Variants in ZNF534 observed in about 807,000 individuals in gnomAD.
ZNF534 encodes the protein zinc finger protein 534, also known as KRAB domain only 3.
In ZNF534, 19 loss-of-function variants were observed where a neutral mutation model predicts 13.6. That is an observed-to-expected ratio of 1.40 (90% CI 0.97 to 2.05). The LOEUF is 2.05. Among genes scored for constraint, ZNF534 ranks in the 30% most tolerant of loss-of-function variants. ZNF534 has a pLI of 0.00. For synonymous variants in ZNF534, 244 were observed against 273.8 expected (o/e 0.89, Z 1.07); for missense variants, 782 against 796.3 (o/e 0.98, Z 0.22).
At chr19:52,451,658 C>A in exon 5 of ZNF534, 1 of 656,390 alleles carries the variant, frequency 1.5e-6, no homozygotes, top group South Asian at 1.9e-5. Context: ...AACGGACATT[C>A]AGACAGCGCT....
At chr19:52,431,233 A>G (rs991606822) in intron 1 of ZNF534, among the ~76,000 whole-genome samples, 175 bp from the exon 2 acceptor site, 2 of 152,124 alleles carry the variant, frequency 1.3e-5, no homozygotes, top group African/African-American at 4.8e-5. Flanking sequence ...GAGACAGGAG[A>G]GAGTTTTGAG....
chr19:52,448,950 A>G (rs2561024), intron 4 of ZNF534, among the ~76,000 whole-genome samples: 139,225 of 152,146 alleles, frequency 0.92, 64,054 homozygotes, highest in Non-Finnish European at 0.96. Context: ...TGGAGATGAC[A>G]ACTTATTCCT....
rs920831680 is a variant in ZNF534, at chr19:52,451,297, C to T, written c.382C>T (p.Leu128=). Reference sequence around the variant, plus strand: ...AAACTTTGTGGGAAATGACTCCCCTCTGCCCTCGCCCCTCGCTCTGCTACC... The same window carrying T: ...AAACTTTGTGGGAAATGACTCCCCTTTGCCCTCGCCCCTCGCTCTGCTACC... Residue 128 remains leucine (L), a synonymous_variant, in exon 5 of 5, where the codon CTG becomes TTG. Coordinates refer to the ZNF534 transcript ENST00000301085. The T allele has an allele frequency of 6.4e-6, 7 of 1,094,592 alleles. No homozygotes were observed. In the African/African-American group the frequency reaches 1.1e-4, roughly 17 times the overall value. The allele number at this position is 1,094,592 out of a possible 1,614,324, so 67.8% of individuals were successfully genotyped here.
chr19:52,441,142 G>C lies in ZNF534; in HGVS notation c.*1696G>C, dbSNP rs1277942701. On this transcript the variant is annotated 3_prime_UTR_variant, in exon 5 of 5. Coordinates refer to ENST00000433050, the MANE Select transcript of ZNF534 (RefSeq NM_001143938.3). ...GCTGGTCTCGATCTCCTGACCTTGTGATCCATCTGCCTTGGCCTCCCAAAG... is the reference window on the plus strand; with the variant it reads ...GCTGGTCTCGATCTCCTGACCTTGTCATCCATCTGCCTTGGCCTCCCAAAG... 6.6e-6 allele frequency among the ~76,000 whole-genome samples: 1 copy of C among 152,164 alleles called. No individual in the cohort carries two copies. Among genetic ancestry groups the C allele is most frequent in the Non-Finnish European group, 1.5e-5 (1 of 68,026 alleles).
rs1289401511 is a variant in ZNF534 at position 52,439,379 on chromosome 19, G to T, written c.1919G>T (p.Gly640Val). The change falls in exon 5 of 5, where the codon GGC becomes GTC. Residue 640 changes from glycine to valine, a missense_variant. Gly to Val is a moderately radical substitution (Grantham distance 109). Around this residue, in one of 5 missense-constraint regions of ZNF534, gnomAD observed 60 missense variants for 59.9 expected, o/e 1.00. Transcript: ENST00000433050. ...GVKPYSCNEC[G>V]KVFSKNSILV... is the part of the protein sequence containing the mutation. ...AAGCCTTACAGTTGTAATGAATGTG[G>T]CAAGGTCTTTAGTAAAAATTCCATC... 7.7e-6 allele frequency: 12 copies of T among 1,551,558 alleles called. No homozygotes were observed. The highest frequency in any genetic ancestry group is 1.0e-5 in the Non-Finnish European group (12 of 1,146,818).
At chr19:52,443,600 ATT>A (rs2059184114), downstream of ZNF534, among the ~76,000 whole-genome samples, 1 of 152,058 alleles carries the variant, frequency 6.6e-6, no homozygotes, top group Admixed American at 6.6e-5. Context: ...AAATACAAAA[ATT>A]AGTTGGGCAT....
chr19:52,448,841 C>G (rs2059203043), intron 4 of ZNF534, among the ~76,000 whole-genome samples: 2 of 152,160 alleles, frequency 1.3e-5, no homozygotes, highest in Non-Finnish European at 2.9e-5. Flanking sequence ...TCCATCACCT[C>G]AAACATTTAT....
chr19:52,448,386 A>G (rs1388037251), intron 4 of ZNF534, among the ~76,000 whole-genome samples: 3 of 142,508 alleles, frequency 2.1e-5, no homozygotes, highest in Non-Finnish European at 4.6e-5. Flanking sequence ...CAATAGAGCA[A>G]GACTCCGTCT....
rs1370407816 is a variant in ZNF534 at position 52,438,811 on chromosome 19, T to A, written c.1351T>A (p.Ser451Thr). The A allele has an allele frequency of 6.2e-7, 1 of 1,610,944 alleles. No individual in the cohort carries two copies. Among genetic ancestry groups the A allele is most frequent in the Non-Finnish European group, 8.5e-7 (1 of 1,178,432 alleles). ...CTGTGGCAAGGTCTTCAGGCACAAG[T>A]CTTCCCTAACCTATCACTGTAGAAT... ...IDCGKVFRHK[S>T]SLTYHCRIHT... Residue 451 changes from serine (S) to threonine (T), a missense_variant, in exon 5 of 5, where the codon TCT becomes ACT. Ser to Thr is a moderately conservative substitution (Grantham distance 58). This residue lies in a region of ZNF534 where 591 missense variants were observed against 574.0 expected (regional missense o/e 1.03). Transcript: ENST00000433050.
At chr19:52,436,392 A>G (rs1316850092) in intron 4 of ZNF534, among the ~76,000 whole-genome samples, 3 of 151,834 alleles carry the variant, frequency 2.0e-5, no homozygotes, top group African/African-American at 7.3e-5. Context: ...TCTCTCTTTG[A>G]CTTTTGATAA....
chr19:52,444,618 G>T (rs1481430291), downstream of ZNF534, among the ~76,000 whole-genome samples: 1 of 152,056 alleles, frequency 6.6e-6, no homozygotes, highest in East Asian at 1.9e-4. Context: ...AGGACCATCA[G>T]TTGGGGGCAG....
chr19:52,434,392 G>C (rs2059114547), intron 3 of ZNF534, among the ~76,000 whole-genome samples: 1 of 149,914 alleles, frequency 6.7e-6, no homozygotes, highest in East Asian at 2.0e-4. Context: ...GTGAACCCGG[G>C]AGGCGGAGCT....
Position 52,450,674 on chromosome 19 carries a change from TTTTTTTTTTTGTTTTTGTTTTTG to T in ZNF534, c.272-502_272-480del, listed in dbSNP as rs1427820455. ...AGTTCCCTATGAATTTTAGGAGTTTTTTTTTTTTTTGTTTTTGTTTTTGTTTTTTTTTTTTAGACAAGGTCTCT... is the reference window on the plus strand; with the variant it reads ...AGTTCCCTATGAATTTTAGGAGTTTTTTTTTTTTTTTTAGACAAGGTCTCT... On this transcript the variant is annotated intron_variant, in intron 4 of 4. Coordinates refer to the ZNF534 transcript ENST00000301085. Among the ~76,000 whole-genome samples the T allele has an allele frequency of 6.5e-4, 21 of 32,466 alleles. 3 individuals carry two copies. The highest frequency in any genetic ancestry group is 1.0e-3 in the Admixed American group (3 of 2,904). 21.3% of individuals were successfully genotyped at this position (32,466 alleles called of 152,430 possible).
Position 52,441,423 on chromosome 19 carries a change from A to C in ZNF534, c.*1977A>C, listed in dbSNP as rs1433349928. On this transcript the variant is annotated 3_prime_UTR_variant, in exon 5 of 5. Coordinates refer to ENST00000433050, the MANE Select transcript of ZNF534 (RefSeq NM_001143938.3). ...CCAGCTACTTGGGAGGCTGAGGCAG[A>C]AGGATCATTTGAGCCTAGGAGCTTG... Among the ~76,000 whole-genome samples, 2 of 152,136 alleles carry C rather than the reference A, an allele frequency of 1.3e-5. No individual in the cohort carries two copies. Among genetic ancestry groups the C allele is most frequent in the African/African-American group, 2.4e-5 (1 of 41,450 alleles).
rs1041885599 is a variant in ZNF534 at position 52,440,516 on chromosome 19, C to T, written c.*1070C>T. Among the ~76,000 whole-genome samples the T allele has an allele frequency of 7.2e-5, 11 of 152,248 alleles. No homozygotes were observed. Among genetic ancestry groups the T allele is most frequent in the Middle Eastern group, 3.4e-3 (1 of 294 alleles). On this transcript the variant is annotated 3_prime_UTR_variant, in exon 5 of 5. Coordinates refer to ENST00000433050, the MANE Select transcript of ZNF534 (RefSeq NM_001143938.3). ...ATACTGGAGGCTGGGTGCGGTGGCT[C>T]ACGCCTGTAATCCCAGCACTTTGGG...
At chr19:52,446,064 C>T (rs1362195637), downstream of ZNF534, among the ~76,000 whole-genome samples, 1 of 152,130 alleles carries the variant, frequency 6.6e-6, no homozygotes. Context: ...ATCTTTAATT[C>T]AATGGAGGTA....
rs1164011424 is a variant in ZNF534 at position 52,438,389 on chromosome 19, G to A, written c.929G>A (p.Cys310Tyr). 6 of 1,613,220 alleles carry A rather than the reference G, an allele frequency of 3.7e-6. No individual in the cohort carries two copies. The South Asian group carries it at 5.5e-5, about 15-fold the overall frequency. Reference protein sequence around the residue: ...CSECGKAFSVCSSLTAHLVIH... With the variant: ...CSECGKAFSVYSSLTAHLVIH... ...GAATGTGGCAAAGCATTTAGTGTGTGTTCCAGTCTTACTGCTCATCTTGTA... is the reference window on the plus strand; with the variant it reads ...GAATGTGGCAAAGCATTTAGTGTGTATTCCAGTCTTACTGCTCATCTTGTA... Residue 310 changes from cysteine to tyrosine, a missense_variant, in exon 5 of 5, where the codon TGT becomes TAT. By Grantham distance (194) the Cys-to-Tyr change is radical. Coordinates refer to ENST00000433050, the MANE Select transcript of ZNF534 (RefSeq NM_001143938.3).
At chr19:52,451,412 C>A in exon 5 of ZNF534, 1 of 743,838 alleles carries the variant, frequency 1.3e-6, no homozygotes, top group East Asian at 2.7e-5. Flanking sequence ...AGGGCCGGGC[C>A]CGCCCCTCGG....
intron 2 of ZNF534, among the ~76,000 whole-genome samples, chr19:52,432,796 C>T (rs552162529): frequency 5.9e-5 from 9 of 152,138 alleles, no homozygotes; most frequent in African/African-American, 2.2e-4. Flanking sequence ...CCATGCCCAG[C>T]TCATTTTTTG....
Sources: allele counts gnomAD v4.1 joint callset (sites outside exome capture counted in the v4.1 genomes callset), GRCh38; gene constraint gnomAD v4.1.1; regional missense constraint gnomAD v4.1.1; transcripts MANE v1.5; gene names NCBI Gene and HGNC (gene_info 2026-07-23, HGNC 2026-07-21).